The following PRELID2 variants were observed in gnomAD, a reference collection of about 807,000 sequenced individuals.
PRELID2 encodes PRELI domain-containing protein 2.
Under a neutral mutation model 28.4 loss-of-function variants are expected in PRELID2, and 25 were observed. The ratio of observed to expected loss-of-function variants is 0.88; its 90% CI spans 0.64 to 1.23. PRELID2 has a LOEUF of 1.23. Among genes scored for constraint, PRELID2 ranks in the 50% most tolerant of loss-of-function variants. The pLI is 0.00. For missense variants in PRELID2, 201 were observed against 214.4 expected (o/e 0.94, Z 0.39); for synonymous variants, 76 against 71.6 (o/e 1.06, Z -0.31).
the PRELID2 span, among the ~76,000 whole-genome samples, chr5:145,447,578 G>A: frequency 2.8e-4 from 36 of 129,492 alleles, no homozygotes; most frequent in South Asian, 9.3e-3. Flanking sequence ...CCACTAACTC[G>A]TCATCTAGCA....
chr5:145,350,126 T>C, the PRELID2 span, among the ~76,000 whole-genome samples: 1 of 152,200 alleles, frequency 6.6e-6, no homozygotes, highest in Admixed American at 6.6e-5. Context: ...ATCTTAATTT[T>C]GTCATCTGTA....
chr5:145,592,262 A>T (rs1014270406), intron 1 of PRELID2, among the ~76,000 whole-genome samples: 1 of 152,174 alleles, frequency 6.6e-6, no homozygotes, highest in South Asian at 2.1e-4. Flanking sequence ...TAAAAATACA[A>T]AAATTAGCTG....
intron 1 of PRELID2, among the ~76,000 whole-genome samples, chr5:145,616,243 C>T (rs1753696278): frequency 6.6e-6 from 1 of 152,138 alleles, no homozygotes; most frequent in Non-Finnish European, 1.5e-5. Context: ...TGTGATGGGT[C>T]CCCCAGGTGT....
chr5:145,409,737 C>A, the PRELID2 span, among the ~76,000 whole-genome samples: 2 of 146,836 alleles, frequency 1.4e-5, no homozygotes, highest in Non-Finnish European at 1.5e-5. Context: ...CAAGGTGAAA[C>A]CCCATCTCTA....
At chr5:145,639,971 G>T (rs62392275) in intron 1 of PRELID2, among the ~76,000 whole-genome samples, 10,880 of 152,096 alleles carry the variant, frequency 0.072, 993 homozygotes, top group African/African-American at 0.21. Flanking sequence ...GTTTTGAACA[G>T]GCCCCACCAC....
At chr5:145,454,181 A>G in the PRELID2 span, among the ~76,000 whole-genome samples, 1 of 152,178 alleles carries the variant, frequency 6.6e-6, no homozygotes, top group African/African-American at 2.4e-5. Context: ...ATGGCATCTC[A>G]TTATGGTTTG....
intron 2 of PRELID2, among the ~76,000 whole-genome samples, chr5:145,820,543 A>G (rs421310): frequency 0.71 from 108,289 of 152,020 alleles, 39,547 homozygotes; most frequent in Non-Finnish European, 0.81. Flanking sequence ...CTTTTGTACC[A>G]AACTTTCAAG....
intron 1 of PRELID2, among the ~76,000 whole-genome samples, chr5:145,650,002 T>C (rs1222845613): frequency 5.3e-5 from 8 of 152,210 alleles, no homozygotes; most frequent in African/African-American, 1.9e-4. Flanking sequence ...AGAAAATATC[T>C]GAGACTCTGA....
chr5:145,315,710 GAA>G, the PRELID2 span, among the ~76,000 whole-genome samples: 1 of 151,968 alleles, frequency 6.6e-6, no homozygotes, highest in African/African-American at 2.4e-5. Context: ...AGATACTAAT[GAA>G]AAATAGTAAA....
chr5:145,637,441 T>C (rs1026330856), intron 1 of PRELID2, among the ~76,000 whole-genome samples: 5 of 152,034 alleles, frequency 3.3e-5, no homozygotes, highest in African/African-American at 9.7e-5. Flanking sequence ...GCTATGTCCA[T>C]ACATTTTCAA....
chr5:145,621,471 T>C (rs1056851308), intron 1 of PRELID2, among the ~76,000 whole-genome samples: 5 of 152,106 alleles, frequency 3.3e-5, no homozygotes, highest in Non-Finnish European at 5.9e-5. Context: ...ACATTAGTGA[T>C]AAAAGCCAAA....
chr5:145,675,283 T>C (rs1435949784), intron 1 of PRELID2, among the ~76,000 whole-genome samples: 1 of 152,100 alleles, frequency 6.6e-6, no homozygotes, highest in Non-Finnish European at 1.5e-5. Context: ...TCTTAGTCCA[T>C]ATGAAAAGAG....
the PRELID2 span, among the ~76,000 whole-genome samples, chr5:145,396,574 T>C: frequency 2.0e-5 from 3 of 151,652 alleles, no homozygotes; most frequent in Non-Finnish European, 4.4e-5. Context: ...TTCTTTGCAG[T>C]AAATAAAAGT....
the PRELID2 span, among the ~76,000 whole-genome samples, chr5:145,436,547 C>T: frequency 2.6e-5 from 4 of 152,178 alleles, no homozygotes; most frequent in Non-Finnish European, 5.9e-5. Context: ...TTCCCACCAG[C>T]AGTGTATAAG....
At chr5:145,365,987 G>A in the PRELID2 span, among the ~76,000 whole-genome samples, 1 of 151,844 alleles carries the variant, frequency 6.6e-6, no homozygotes, top group Non-Finnish European at 1.5e-5. Flanking sequence ...GCAAAAATGG[G>A]TCTTTTTTTC....
chr5:145,407,661 T>G, the PRELID2 span, among the ~76,000 whole-genome samples: 1 of 152,198 alleles, frequency 6.6e-6, no homozygotes, highest in Non-Finnish European at 1.5e-5. Context: ...GCTGCTGCTC[T>G]CTTGAAAGAG....
At chr5:145,812,849 G>A (rs1754046418) in intron 4 of PRELID2, among the ~76,000 whole-genome samples, 2 of 152,160 alleles carry the variant, frequency 1.3e-5, no homozygotes, top group South Asian at 4.1e-4. Context: ...AAAACTACAG[G>A]AAGACAATGT....
chr5:145,306,377 A>G, the PRELID2 span, among the ~76,000 whole-genome samples: 1 of 152,180 alleles, frequency 6.6e-6, no homozygotes, highest in Non-Finnish European at 1.5e-5. Flanking sequence ...TTTTTTAAAA[A>G]TGAAATAAAT....
the PRELID2 span, among the ~76,000 whole-genome samples, chr5:145,378,288 T>C: frequency 4.0e-4 from 61 of 152,244 alleles, 1 homozygote; most frequent in African/African-American, 1.3e-3. Context: ...TTTTGAAGTA[T>C]CTTACAGGGT....
Sources: gnomAD v4.1 joint callset for allele counts (sites outside exome capture counted in the v4.1 genomes callset) on GRCh38, gnomAD v4.1.1 for gene constraint, MANE v1.5 for transcripts, NCBI Gene and HGNC (gene_info 2026-07-23, HGNC 2026-07-21) for gene names.